Variants in TNFSF4 observed in about 807,000 individuals in gnomAD.
TNFSF4 encodes the protein tumor necrosis factor ligand superfamily member 4.
Under a neutral mutation model 7.3 loss-of-function variants are expected in TNFSF4, and 4 were observed. The observed-to-expected ratio is 0.55, with a 90% confidence interval of 0.27 to 1.25. The LOEUF (loss-of-function observed/expected upper bound fraction) is 1.25. Among genes scored for constraint, TNFSF4 ranks in the 50% most tolerant of loss-of-function variants. The pLI, the probability that TNFSF4 is intolerant of heterozygous loss-of-function variation, is 0.12. For missense variants in TNFSF4, 181 were observed against 208.8 expected (o/e 0.87, Z 0.82); for synonymous variants, 76 against 83.7 (o/e 0.91, Z 0.50).
chr1:173,395,597 A>T, the TNFSF4 span, among the ~76,000 whole-genome samples: 1 of 151,704 alleles, frequency 6.6e-6, no homozygotes, highest in Non-Finnish European at 1.5e-5. Context: ...GAAGGAAGCC[A>T]TTATTTTCTA....
the TNFSF4 span, among the ~76,000 whole-genome samples, chr1:173,402,904 G>A: frequency 1.3e-5 from 2 of 152,046 alleles, no homozygotes; most frequent in East Asian, 3.9e-4. Flanking sequence ...CCAGGCTGGA[G>A]TGCAGTGGCA....
At chr1:173,450,639 T>A in the TNFSF4 span, among the ~76,000 whole-genome samples, 1 of 150,510 alleles carries the variant, frequency 6.6e-6, no homozygotes, top group African/African-American at 2.4e-5. Flanking sequence ...GCCATCAATG[T>A]AATTCACCAC....
chr1:173,335,249 G>A, the TNFSF4 span, among the ~76,000 whole-genome samples: 5 of 152,052 alleles, frequency 3.3e-5, no homozygotes, highest in Admixed American at 6.6e-5. Context: ...AAGGTTTAAG[G>A]AGATTGGAAT....
rs1649139668 is a variant in TNFSF4 at position 173,184,499 on chromosome 1, A to C, written c.*2017T>G. ...ACCTAAGAGAGGGGACCATGACATC[A>C]AAGACAAACAACACACACAACATAT... On this transcript the variant is annotated 3_prime_UTR_variant, in exon 3 of 3. Transcript: ENST00000281834. 6.6e-6 allele frequency: 1 copy of C among 150,958 alleles called. No individual in the cohort carries two copies. The highest frequency in any genetic ancestry group is 2.1e-4 in the South Asian group (1 of 4,734). The allele number at this position is 150,958 out of a possible 1,614,324, so 9.4% of individuals were successfully genotyped here.
chr1:173,397,100 T>C, the TNFSF4 span, among the ~76,000 whole-genome samples: 1,341 of 152,296 alleles, frequency 8.8e-3, 15 homozygotes, highest in African/African-American at 0.03. Context: ...ACCTATGGCA[T>C]TGGCTGGCTG....
chr1:173,406,653 T>C, the TNFSF4 span, among the ~76,000 whole-genome samples: 4 of 152,346 alleles, frequency 2.6e-5, no homozygotes, highest in Non-Finnish European at 5.9e-5. Context: ...GCAATTAATA[T>C]GAAAACATTG....
chr1:173,242,538 G>A, the TNFSF4 span, among the ~76,000 whole-genome samples: 1 of 152,178 alleles, frequency 6.6e-6, no homozygotes, highest in Admixed American at 6.5e-5. Context: ...AATGACCTAT[G>A]AGTATGTCAC....
At chr1:173,384,218 A>C in the TNFSF4 span, among the ~76,000 whole-genome samples, 1 of 152,266 alleles carries the variant, frequency 6.6e-6, no homozygotes, top group East Asian at 1.9e-4. Context: ...TGATACTCAC[A>C]TTTTAGAAGG....
the TNFSF4 span, among the ~76,000 whole-genome samples, chr1:173,444,367 T>G: frequency 6.6e-6 from 1 of 152,144 alleles, no homozygotes; most frequent in Non-Finnish European, 1.5e-5. Flanking sequence ...CTTTTTTTTC[T>G]TATTATTTAC....
chr1:173,209,368 TATC>T (rs1000185334), upstream of TNFSF4, among the ~76,000 whole-genome samples: 2 of 152,194 alleles, frequency 1.3e-5, no homozygotes, highest in African/African-American at 4.8e-5. Context: ...CTATTAGAGT[TATC>T]ATTGCTGACC....
At chr1:173,375,473 C>G in the TNFSF4 span, among the ~76,000 whole-genome samples, 4 of 152,152 alleles carry the variant, frequency 2.6e-5, no homozygotes, top group African/African-American at 9.7e-5. Flanking sequence ...ACTTCAGGAA[C>G]TTTTCTGTCT....
chr1:173,376,973 T>C, the TNFSF4 span, among the ~76,000 whole-genome samples: 3 of 152,054 alleles, frequency 2.0e-5, no homozygotes, highest in Non-Finnish European at 4.4e-5. Flanking sequence ...ACTGCGAGGA[T>C]CTGCGGCTTC....
chr1:173,172,918 G>T, the TNFSF4 span, among the ~76,000 whole-genome samples: 1 of 152,160 alleles, frequency 6.6e-6, no homozygotes, highest in South Asian at 2.1e-4. Context: ...CTGCAGGGCT[G>T]GGAAGGCCTC....
chr1:173,272,147 T>C, the TNFSF4 span, among the ~76,000 whole-genome samples: 4 of 151,788 alleles, frequency 2.6e-5, no homozygotes, highest in African/African-American at 7.3e-5. Context: ...AATTGAACAA[T>C]GAGAACACTT....
intron 1 of TNFSF4, among the ~76,000 whole-genome samples, chr1:173,194,119 T>A (rs755121495): frequency 6.6e-6 from 1 of 152,240 alleles, no homozygotes; most frequent in Non-Finnish European, 1.5e-5. Context: ...AGAGAATTTA[T>A]CTTCAACCAC....
chr1:173,215,903 G>T, the TNFSF4 span, among the ~76,000 whole-genome samples: 1 of 152,070 alleles, frequency 6.6e-6, no homozygotes, highest in Non-Finnish European at 1.5e-5. Flanking sequence ...CGATAAGTGT[G>T]GTCTGTGGTC....
the TNFSF4 span, among the ~76,000 whole-genome samples, chr1:173,248,291 A>G: frequency 6.6e-6 from 1 of 152,074 alleles, no homozygotes. Context: ...TGGGAGGCGG[A>G]GGTTACAGTG....
the TNFSF4 span, among the ~76,000 whole-genome samples, chr1:173,379,586 G>C: frequency 2.6e-5 from 4 of 152,128 alleles, no homozygotes; most frequent in Non-Finnish European, 5.9e-5. Context: ...CTCCAAAAGC[G>C]AGCCCTGGGC....
chr1:173,243,723 C>T, the TNFSF4 span, among the ~76,000 whole-genome samples: 1 of 152,216 alleles, frequency 6.6e-6, no homozygotes, highest in Non-Finnish European at 1.5e-5. Flanking sequence ...ACAGTGGTGG[C>T]ATCTCTGCTT....
Sources: gnomAD v4.1 joint callset for allele counts (sites outside exome capture counted in the v4.1 genomes callset) on GRCh38, gnomAD v4.1.1 for gene constraint, MANE v1.5 for transcripts, NCBI Gene and HGNC (gene_info 2026-07-23, HGNC 2026-07-21) for gene names.